CHST11: variants seen among roughly 807,000 people sequenced by gnomAD.
The protein encoded by CHST11 is C4S-1.
In CHST11, 9 loss-of-function variants were observed where a neutral mutation model predicts 30.4. That is an observed-to-expected ratio of 0.30 (90% CI 0.18 to 0.52). The LOEUF is 0.52. Among genes scored for constraint, CHST11 ranks in the 20% least tolerant of loss-of-function variants. CHST11 has a pLI of 0.97. For synonymous variants in CHST11, 152 were observed against 187.8 expected (o/e 0.81, Z 1.56); for missense variants, 348 against 460.6 (o/e 0.76, Z 2.24).
intron 2 of CHST11, among the ~76,000 whole-genome samples, chr12:104,655,133 T>C (rs2039530769): frequency 6.6e-6 from 1 of 152,170 alleles, no homozygotes; most frequent in South Asian, 2.1e-4. Context: ...TGTCCAGTAA[T>C]AGCTGATGGA....
chr12:104,674,965 C>T (rs1026507475), intron 2 of CHST11, among the ~76,000 whole-genome samples: 6 of 152,102 alleles, frequency 3.9e-5, no homozygotes, highest in African/African-American at 1.2e-4. Context: ...AATAACAGGT[C>T]CTGATACATA....
intron 1 of CHST11, among the ~76,000 whole-genome samples, chr12:104,545,554 T>G (rs12368888): frequency 0.13 from 20,385 of 152,254 alleles, 1,442 homozygotes; most frequent in African/African-American, 0.15. Flanking sequence ...CAAATGATAT[T>G]GAGCTACTTA....
chr12:104,517,558 GC>G (rs2038036480), intron 1 of CHST11, among the ~76,000 whole-genome samples: 1 of 152,164 alleles, frequency 6.6e-6, no homozygotes, highest in African/African-American at 2.4e-5. Context: ...CATAGGCCTG[GC>G]CTGGGGTCTG....
intron 2 of CHST11, among the ~76,000 whole-genome samples, chr12:104,678,291 G>T (rs773010639): frequency 2.0e-5 from 3 of 152,146 alleles, no homozygotes; most frequent in Non-Finnish European, 4.4e-5. Flanking sequence ...TTCACTGAAA[G>T]AAAACACCTT....
At chr12:104,613,340 A>G (rs1029456899) in intron 2 of CHST11, among the ~76,000 whole-genome samples, 12 of 152,224 alleles carry the variant, frequency 7.9e-5, no homozygotes, top group Non-Finnish European at 1.8e-4. Flanking sequence ...GCCTTAAAAA[A>G]GAGGGAAGTT....
Position 104,758,417 on chromosome 12 carries a change from C to T in CHST11, c.*614C>T, listed in dbSNP as rs1378090773. 2 of 151,896 alleles carry T rather than the reference C, an allele frequency of 1.3e-5. No individual in the cohort carries two copies. The highest frequency in any genetic ancestry group is 2.4e-5 in the African/African-American group (1 of 41,334). The allele number at this position is 151,896 out of a possible 1,614,324, so 9.4% of individuals were successfully genotyped here. On this transcript the variant is annotated 3_prime_UTR_variant, in exon 3 of 3. Transcript: ENST00000303694. ...TAAAGAAATGTGATTTTTTTTTAAC[C>T]CAAGGAGAAAGTTGGTTGTAACAAT...
intron 1 of CHST11, among the ~76,000 whole-genome samples, chr12:104,569,279 C>T (rs2038599825): frequency 6.6e-6 from 1 of 152,170 alleles, no homozygotes; most frequent in Non-Finnish European, 1.5e-5. Flanking sequence ...GAGTTACCGT[C>T]TTAGTTACTA....
intron 1 of CHST11, among the ~76,000 whole-genome samples, chr12:104,492,805 G>A (rs553605534): frequency 8.5e-5 from 13 of 152,218 alleles, no homozygotes; most frequent in African/African-American, 2.6e-4. Context: ...AGACCGAGGC[G>A]GGCAGATCAC....
At chr12:104,703,549 C>T (rs2040007706) in intron 2 of CHST11, among the ~76,000 whole-genome samples, 1 of 152,200 alleles carries the variant, frequency 6.6e-6, no homozygotes, top group South Asian at 2.1e-4. Context: ...AACCCATCCT[C>T]CACCTCCTCT....
intron 2 of CHST11, among the ~76,000 whole-genome samples, chr12:104,657,436 T>C (rs1374623343): frequency 6.6e-6 from 1 of 152,054 alleles, no homozygotes; most frequent in African/African-American, 2.4e-5. Context: ...TATAAGTCTT[T>C]CAGGATCACG....
intron 2 of CHST11, among the ~76,000 whole-genome samples, chr12:104,752,191 G>A (rs1444098153): frequency 6.6e-6 from 1 of 152,110 alleles, no homozygotes; most frequent in Non-Finnish European, 1.5e-5. Flanking sequence ...GGTGGTGGCC[G>A]GCAGTCCTTG....
At chr12:104,679,500 C>T (rs562167934) in intron 2 of CHST11, among the ~76,000 whole-genome samples, 3 of 152,256 alleles carry the variant, frequency 2.0e-5, no homozygotes, top group Non-Finnish European at 1.5e-5. Context: ...CTTTGACCTC[C>T]GCCCCGTGTG....
chr12:104,753,707 A>G (rs1362172140), intron 2 of CHST11, among the ~76,000 whole-genome samples: 1 of 152,250 alleles, frequency 6.6e-6, no homozygotes, highest in East Asian at 1.9e-4. Flanking sequence ...CCTGGAAGAA[A>G]CTGGGCTCTA....
chr12:104,616,400 G>A (rs1436156204), intron 2 of CHST11, among the ~76,000 whole-genome samples: 2 of 151,960 alleles, frequency 1.3e-5, no homozygotes, highest in Admixed American at 1.3e-4. Context: ...CAGCAACACT[G>A]ACACACTTGG....
In CHST11 at chr12:104,508,278, A is replaced by G. The variant is rs2037926964; in HGVS notation, c.118+50749A>G. ...GGTTTAAAGCTGGTTCATGTCATTT[A>G]TTTAAAGCTTCATGACCCTGGCAAG... is the stretch of plus-strand genomic sequence containing the variant. On this transcript the variant is annotated intron_variant, in intron 1 of 2. Coordinates refer to ENST00000303694, the MANE Select transcript of CHST11 (RefSeq NM_018413.6). Among the ~76,000 whole-genome samples, 3 of 152,290 alleles carry G rather than the reference A, an allele frequency of 2.0e-5. No homozygotes were observed. In the South Asian group the frequency reaches 6.2e-4, roughly 32 times the overall value.
chr12:104,631,353 C>G (rs995798764), intron 2 of CHST11, among the ~76,000 whole-genome samples: 1 of 152,162 alleles, frequency 6.6e-6, no homozygotes, highest in Non-Finnish European at 1.5e-5. Flanking sequence ...ACGGTGGTAG[C>G]GGACCCTGTT....
At chr12:104,505,833 C>A (rs1022270879) in intron 1 of CHST11, among the ~76,000 whole-genome samples, 1 of 152,108 alleles carries the variant, frequency 6.6e-6, no homozygotes, top group Non-Finnish European at 1.5e-5. Context: ...CATTATTTAC[C>A]TATTTTGTGT....
At chr12:104,521,450 G>A (rs1466202032) in intron 1 of CHST11, among the ~76,000 whole-genome samples, 1 of 152,168 alleles carries the variant, frequency 6.6e-6, no homozygotes, top group African/African-American at 2.4e-5. Flanking sequence ...AGATGGCAAG[G>A]AATTCAAAGA....
At chr12:104,523,767 A>G (rs1214566550) in intron 1 of CHST11, among the ~76,000 whole-genome samples, 4 of 152,126 alleles carry the variant, frequency 2.6e-5, no homozygotes, top group Non-Finnish European at 4.4e-5. Context: ...CTGGTTGTTT[A>G]CCTGTTATCT....
Sources: gnomAD v4.1 joint callset for allele counts (sites outside exome capture counted in the v4.1 genomes callset) on GRCh38, gnomAD v4.1.1 for gene constraint, MANE v1.5 for transcripts, NCBI Gene and HGNC (gene_info 2026-07-23, HGNC 2026-07-21) for gene names.